RHOJ: variants seen among roughly 807,000 people sequenced by gnomAD.
RHOJ encodes the protein ras homolog family member J.
Under a neutral mutation model 23.4 loss-of-function variants are expected in RHOJ, and 11 were observed. The ratio of observed to expected loss-of-function variants is 0.47; its 90% CI spans 0.30 to 0.78. The LOEUF is 0.78. Among genes scored for constraint, RHOJ ranks in the 30% least tolerant of loss-of-function variants. The probability of loss-of-function intolerance (pLI) is 0.08; values close to 1 mark genes in which losing one functional copy is unlikely to be tolerated. For missense variants in RHOJ, 254 were observed against 273.4 expected, an observed-to-expected ratio of 0.93 and a Z score of 0.50; for synonymous variants, 102 against 102.7, an observed-to-expected ratio of 0.99 and a Z score of 0.04.
At chr14:63,238,360 A>G (rs1444913892) in intron 1 of RHOJ, among the ~76,000 whole-genome samples, 1 of 152,148 alleles carries the variant, frequency 6.6e-6, no homozygotes. Flanking sequence ...CATGGTATAA[A>G]ACTAGCTTTT....
intron 1 of RHOJ, among the ~76,000 whole-genome samples, chr14:63,253,663 AG>A (rs1375321706): frequency 6.6e-6 from 1 of 152,162 alleles, no homozygotes; most frequent in Non-Finnish European, 1.5e-5. Flanking sequence ...TTGATTTGTA[AG>A]GCTACTCCCT....
chr14:63,243,792 G>A (rs531832923), intron 1 of RHOJ, among the ~76,000 whole-genome samples: 13 of 152,226 alleles, frequency 8.5e-5, no homozygotes, highest in South Asian at 2.1e-4. Flanking sequence ...CTTTAAACAC[G>A]TTATGCGTAA....
rs532466422 is a variant in RHOJ at position 63,276,984 on chromosome 14, AGAT to A, written c.238-3983_238-3981del. On this transcript the variant is annotated intron_variant, in intron 2 of 4. Transcript: ENST00000316754. The stretch of plus-strand genomic sequence containing the variant: ...CTGAAGCAGATGCAGGCCATCAAAT[AGAT>A]GATCCATCCTGTGGTCAAACATTTT... Among the ~76,000 whole-genome samples the A allele has an allele frequency of 1.3e-3, 196 of 152,348 alleles. 1 individual carries two copies. Among genetic ancestry groups the A allele is most frequent in the African/African-American group, 4.5e-3 (189 of 41,586 alleles).
intron 1 of RHOJ, among the ~76,000 whole-genome samples, chr14:63,241,944 AC>A (rs1894890988): frequency 1.3e-5 from 2 of 152,226 alleles, no homozygotes; most frequent in Admixed American, 6.5e-5. Context: ...GAAAATGACT[AC>A]AAAGTAAATG....
At chr14:63,232,110 C>G (rs367644436) in intron 1 of RHOJ, among the ~76,000 whole-genome samples, 1 of 152,122 alleles carries the variant, frequency 6.6e-6, no homozygotes, top group African/African-American at 2.4e-5. Context: ...GGGGTCTCTT[C>G]CAGGCCTACA....
chr14:63,267,398 T>G (rs1433806721), intron 1 of RHOJ, among the ~76,000 whole-genome samples: 1 of 152,200 alleles, frequency 6.6e-6, no homozygotes, highest in Non-Finnish European at 1.5e-5. Context: ...ATGACTCGAC[T>G]TCTAGGAATC....
chr14:63,291,116 A>G lies in RHOJ; in HGVS notation c.*92A>G, dbSNP rs1439893743. 1 of 1,432,840 alleles carries G rather than the reference A, an allele frequency of 7.0e-7. No homozygotes were observed. Among genetic ancestry groups the G allele is most frequent in the African/African-American group, 1.4e-5 (1 of 71,458 alleles). The allele number at this position is 1,432,840 out of a possible 1,614,324, so 88.8% of individuals were successfully genotyped here. ...TCCAGCCAAAAAGGAGGGCACGACC[A>G]GAAAGGAACTCCCTTTGCACGGAGG... On this transcript the variant is annotated 3_prime_UTR_variant, in exon 5 of 5. Transcript: ENST00000316754.
intron 1 of RHOJ, among the ~76,000 whole-genome samples, chr14:63,224,951 CTTT>C (rs34008880): frequency 2.2e-4 from 25 of 113,772 alleles, no homozygotes; most frequent in Admixed American, 3.6e-4. Flanking sequence ...ATCATTTATA[CTTT>C]TTTTTTTTTT....
At chr14:63,212,992 A>G (rs2139729112) in intron 1 of RHOJ, among the ~76,000 whole-genome samples, 1 of 152,300 alleles carries the variant, frequency 6.6e-6, no homozygotes, top group East Asian at 1.9e-4. Context: ...ACCATCTGCC[A>G]CCTAACAGCT....
At chr14:63,256,556 A>C (rs1895169235) in intron 1 of RHOJ, among the ~76,000 whole-genome samples, 1 of 152,128 alleles carries the variant, frequency 6.6e-6, no homozygotes, top group Non-Finnish European at 1.5e-5. Flanking sequence ...CTTCTGTAAC[A>C]TCCTTTGTCT....
At chr14:63,267,337 G>A (rs1298293243) in intron 1 of RHOJ, among the ~76,000 whole-genome samples, 1 of 152,212 alleles carries the variant, frequency 6.6e-6, no homozygotes, top group Non-Finnish European at 1.5e-5. Context: ...CCATAACATA[G>A]GTCAGAGCCA....
At chr14:63,242,469 TGAG>T (rs1222259495) in intron 1 of RHOJ, among the ~76,000 whole-genome samples, 1 of 151,964 alleles carries the variant, frequency 6.6e-6, no homozygotes, top group East Asian at 1.9e-4. Context: ...CTTGGGGTGT[TGAG>T]GAGGGAGGAT....
chr14:63,219,655 A>C (rs980295907), intron 1 of RHOJ, among the ~76,000 whole-genome samples: 3 of 152,070 alleles, frequency 2.0e-5, no homozygotes, highest in Non-Finnish European at 2.9e-5. Flanking sequence ...GTCTCTACTA[A>C]AAATACAAAA....
At chr14:63,281,219 C>T in intron 3 of RHOJ, 84 bp downstream of exon 3, 1 of 1,329,316 alleles carries the variant, frequency 7.5e-7, no homozygotes, top group Non-Finnish European at 1.0e-6. Context: ...CCTATTCTGC[C>T]AAACGCTATG....
chr14:63,237,889 A>G (rs1480863718), intron 1 of RHOJ, among the ~76,000 whole-genome samples: 1 of 152,192 alleles, frequency 6.6e-6, no homozygotes, highest in Non-Finnish European at 1.5e-5. Flanking sequence ...TTTCTTTAAC[A>G]AGTACAACTT....
intron 1 of RHOJ, among the ~76,000 whole-genome samples, chr14:63,214,551 G>A (rs987805526): frequency 2.6e-5 from 4 of 152,138 alleles, no homozygotes; most frequent in African/African-American, 7.2e-5. Flanking sequence ...TCTTGGAAAC[G>A]GCTAGCAAAC....
intron 2 of RHOJ, among the ~76,000 whole-genome samples, chr14:63,272,605 A>G (rs987612975): frequency 1.3e-5 from 2 of 152,220 alleles, no homozygotes; most frequent in Non-Finnish European, 2.9e-5. Flanking sequence ...GCGCTAAACA[A>G]AATCATTTGA....
At chr14:63,244,436 G>T (rs1169555379) in intron 1 of RHOJ, among the ~76,000 whole-genome samples, 1 of 151,288 alleles carries the variant, frequency 6.6e-6, no homozygotes, top group Non-Finnish European at 1.5e-5. Flanking sequence ...AATTAGCCAG[G>T]CGTGGTGGCA....
chr14:63,280,964 C>G lies in RHOJ; in HGVS notation c.238-7C>G. 1.9e-6 allele frequency: 3 copies of G among 1,610,022 alleles called. No homozygotes were observed. The highest frequency in any genetic ancestry group is 2.5e-6 in the Non-Finnish European group (3 of 1,177,942). On this transcript the variant is annotated splice_polypyrimidine_tract_variant and splice_region_variant and intron_variant, in intron 2 of 4. Transcript: ENST00000316754. ...GCTGTACAAACCCTTGTCTGCTCTT[C>G]CCACAGGAGGACTACAACCAGCTGA...
Sources: allele counts gnomAD v4.1 joint callset (sites outside exome capture counted in the v4.1 genomes callset), GRCh38; gene constraint gnomAD v4.1.1; transcripts MANE v1.5; gene names NCBI Gene and HGNC (gene_info 2026-07-23, HGNC 2026-07-21).